GRIP1: variants seen among roughly 807,000 people sequenced by gnomAD.
GRIP1 encodes the protein glutamate receptor-interacting protein 1.
GRIP1 carries 45 observed loss-of-function variants against 129.9 expected under a neutral mutation model. That is an observed-to-expected ratio of 0.35 (90% confidence interval 0.27 to 0.44). GRIP1 has a LOEUF of 0.44. Among genes scored for constraint, GRIP1 ranks in the 20% least tolerant of loss-of-function variants. The pLI is 1.00. For missense variants in GRIP1, 1,196 were observed against 1,396.8 expected (o/e 0.86, Z 2.29); for synonymous variants, 530 against 520.8 (o/e 1.02, Z -0.24).
At position 66,524,791 on chromosome 12, in the gene GRIP1, A is replaced by C. The variant is rs192322080; in HGVS notation, c.502+5040T>G. Among the ~76,000 whole-genome samples the C allele has an allele frequency of 2.6e-5, 4 of 152,350 alleles. No homozygotes were observed. The East Asian group carries it at 7.7e-4, about 29-fold the overall frequency. ...AATTGATAGACCACTAGCAAGACTA[A>C]TAAAGAAGAATAGAGAGAAGAATCA... On this transcript the variant is annotated intron_variant, in intron 5 of 24. Coordinates refer to ENST00000359742, the MANE Select transcript of GRIP1 (RefSeq NM_001366722.1).
intron 2 of GRIP1, among the ~76,000 whole-genome samples, chr12:66,557,076 A>G (rs1332211418): frequency 1.3e-5 from 2 of 152,082 alleles, no homozygotes; most frequent in African/African-American, 4.8e-5. Context: ...TCTGTTGTCT[A>G]TAAGAAACAC....
At chr12:67,016,982 C>T (rs550291182) in intron 1 of GRIP1, among the ~76,000 whole-genome samples, 4 of 152,276 alleles carry the variant, frequency 2.6e-5, no homozygotes, top group African/African-American at 9.6e-5. Context: ...AACCTAAGAA[C>T]ATCAGTGCTG....
intron 1 of GRIP1, among the ~76,000 whole-genome samples, chr12:66,950,477 T>C (rs953696669): frequency 6.6e-6 from 1 of 152,150 alleles, no homozygotes; most frequent in Non-Finnish European, 1.5e-5. Flanking sequence ...TTATATCTAT[T>C]AAAAGTCATA....
At position 66,549,219 on chromosome 12, in the gene GRIP1, C is replaced by A. The variant is rs573984576; in HGVS notation, c.137-7269G>T. On this transcript the variant is annotated intron_variant, in intron 2 of 24. Transcript: ENST00000359742. The stretch of plus-strand genomic sequence containing the variant: ...CTGCTGGATGAACGAGCACATCAGT[C>A]CCAAAACAGGGAATTATAATGGGGT... Among the ~76,000 whole-genome samples the A allele has an allele frequency of 2.0e-5, 3 of 152,112 alleles. No individual in the cohort carries two copies. The East Asian group carries it at 5.8e-4, about 29-fold the overall frequency.
intron 1 of GRIP1, among the ~76,000 whole-genome samples, chr12:66,697,508 G>A (rs894849540): frequency 2.6e-5 from 4 of 152,154 alleles, no homozygotes; most frequent in Non-Finnish European, 5.9e-5. Context: ...TAACCATAGG[G>A]AAATGGCCGA....
At chr12:66,544,250 G>A (rs1281433187) in intron 2 of GRIP1, among the ~76,000 whole-genome samples, 1 of 152,136 alleles carries the variant, frequency 6.6e-6, no homozygotes, top group Non-Finnish European at 1.5e-5. Context: ...TTAATAATGT[G>A]AAATTGAGAA....
chr12:66,490,209 T>C (rs1266615546), intron 7 of GRIP1, among the ~76,000 whole-genome samples: 5 of 152,072 alleles, frequency 3.3e-5, no homozygotes, highest in African/African-American at 9.7e-5. Context: ...GGAGGCATCA[T>C]ACCACCCAAG....
intron 1 of GRIP1, among the ~76,000 whole-genome samples, chr12:66,962,571 C>T (rs902725618): frequency 2.0e-5 from 3 of 152,192 alleles, no homozygotes; most frequent in East Asian, 1.9e-4. Flanking sequence ...TATGAAGCCA[C>T]GGCATTAAGG....
chr12:66,427,905 C>A (rs1653400699), intron 14 of GRIP1, among the ~76,000 whole-genome samples: 1 of 152,172 alleles, frequency 6.6e-6, no homozygotes, highest in African/African-American at 2.4e-5. Context: ...AAGATACCTG[C>A]CTTTTGGGGC....
chr12:67,007,801 T>C (rs1416327418), intron 1 of GRIP1, among the ~76,000 whole-genome samples: 1 of 152,188 alleles, frequency 6.6e-6, no homozygotes, highest in Non-Finnish European at 1.5e-5. Flanking sequence ...GCCTTTGATA[T>C]CTATACTATC....
At chr12:66,624,058 G>T (rs190814440) in intron 1 of GRIP1, among the ~76,000 whole-genome samples, 2 of 152,012 alleles carry the variant, frequency 1.3e-5, no homozygotes, top group Non-Finnish European at 2.9e-5. Context: ...AGGGTGCAAC[G>T]CACTGTGCTA....
At chr12:66,479,762 A>C (rs865785518) in intron 7 of GRIP1, among the ~76,000 whole-genome samples, 2 of 152,230 alleles carry the variant, frequency 1.3e-5, no homozygotes, top group Admixed American at 6.5e-5. Context: ...AGGCTGGTTC[A>C]GCATATGCAA....
intron 2 of GRIP1, among the ~76,000 whole-genome samples, chr12:66,570,733 T>A (rs892789269): frequency 1.3e-5 from 2 of 152,196 alleles, no homozygotes; most frequent in African/African-American, 4.8e-5. Flanking sequence ...CCATATGGTT[T>A]TGTCAAATTC....
chr12:66,365,690 C>T (rs920948931), intron 23 of GRIP1, among the ~76,000 whole-genome samples: 6 of 152,190 alleles, frequency 3.9e-5, no homozygotes, highest in African/African-American at 1.4e-4. Flanking sequence ...TGACTGGTCA[C>T]TAGACACACA....
At chr12:66,373,101 C>A (rs1461747178) in intron 22 of GRIP1, among the ~76,000 whole-genome samples, 1 of 151,880 alleles carries the variant, frequency 6.6e-6, no homozygotes, top group South Asian at 2.1e-4. Context: ...TATTTATTTT[C>A]TTTTTTGAGA....
chr12:66,866,517 TATAGTC>T (rs2040207620), intron 1 of GRIP1, among the ~76,000 whole-genome samples: 1 of 152,104 alleles, frequency 6.6e-6, no homozygotes, highest in East Asian at 1.9e-4. Flanking sequence ...ATTCTACTCT[TATAGTC>T]AGAAAGAATG....
chr12:66,633,302 CACTATACTAT>C (rs111238786), intron 1 of GRIP1, among the ~76,000 whole-genome samples: 1 of 145,266 alleles, frequency 6.9e-6, no homozygotes, highest in Non-Finnish European at 1.5e-5. Flanking sequence ...TACCATACTA[CACTATACTAT>C]ACTATACTAT....
chr12:66,738,169 G>A (rs1010938426), intron 1 of GRIP1, among the ~76,000 whole-genome samples: 3 of 152,046 alleles, frequency 2.0e-5, no homozygotes, highest in Admixed American at 6.5e-5. Flanking sequence ...GGCAGGCAGA[G>A]GTAAGAACAT....
chr12:66,788,879 C>G (rs1406261347), intron 1 of GRIP1, among the ~76,000 whole-genome samples: 2 of 152,072 alleles, frequency 1.3e-5, no homozygotes, highest in Admixed American at 1.3e-4. Context: ...TATTCCTGAT[C>G]CACAGAAACT....
Sources: allele counts gnomAD v4.1 joint callset (sites outside exome capture counted in the v4.1 genomes callset), GRCh38; gene constraint gnomAD v4.1.1; transcripts MANE v1.5; gene names NCBI Gene and HGNC (gene_info 2026-07-23, HGNC 2026-07-21).